ABCA13: variants seen among roughly 807,000 people sequenced by gnomAD.
ABCA13 encodes ATP-binding cassette sub-family A member 13.
A neutral mutation model predicts 478.7 loss-of-function variants in ABCA13; 476 were observed. That is an observed-to-expected ratio of 0.99 (90% CI 0.92 to 1.07). The LOEUF (loss-of-function observed/expected upper bound fraction) is 1.07. ABCA13 is among the 50% of genes least tolerant of loss of function. The pLI is 0.00. For missense variants in ABCA13, 6,060 were observed against 5,910.6 expected (o/e 1.03, Z -0.83); for synonymous variants, 2,252 against 2,158.9 (o/e 1.04, Z -1.20).
intron 55 of ABCA13, among the ~76,000 whole-genome samples, chr7:48,537,921 T>C (rs1226408640): frequency 6.6e-6 from 1 of 152,030 alleles, no homozygotes; most frequent in African/African-American, 2.4e-5. Context: ...AACAAGGAAG[T>C]TAAACTTTAA....
chr7:48,196,266 A>G (rs1267248011), intron 2 of ABCA13, among the ~76,000 whole-genome samples: 1 of 152,138 alleles, frequency 6.6e-6, no homozygotes, highest in Admixed American at 6.5e-5. Context: ...CTTGCTTTGT[A>G]TCAGGACTGC....
rs143337238 is a variant in ABCA13 at position 48,538,335 on chromosome 7, A to C, written c.14354+9990A>C. Among the ~76,000 whole-genome samples, 748 of 152,218 alleles carry C rather than the reference A, an allele frequency of 4.9e-3. 11 individuals are homozygous for C. The highest frequency in any genetic ancestry group is 0.017 in the African/African-American group (722 of 41,540). On this transcript the variant is annotated intron_variant, in intron 55 of 61. Transcript: ENST00000435803. ...AGGCTGGTCTCGAACTGCTGACCTC[A>C]GGTGATCCACCCACCTCGACCTCCC...
In ABCA13 at chr7:48,484,757, C is replaced by A. The variant is rs1829121162; in HGVS notation, c.13182+1594C>A. ...GTGTCCTTCACCAGGCACAAGCATG[C>A]AGGTGAATTATACTTGACCCTTTGG... On this transcript the variant is annotated intron_variant, in intron 47 of 61. Coordinates refer to ENST00000435803, the MANE Select transcript of ABCA13 (RefSeq NM_152701.5). Among the ~76,000 whole-genome samples the A allele has an allele frequency of 3.3e-5, 5 of 152,178 alleles. No homozygotes were observed. In the South Asian group the frequency reaches 1.0e-3, roughly 32 times the overall value.
At chr7:48,494,485 C>T (rs1181506176) in intron 48 of ABCA13, among the ~76,000 whole-genome samples, 1 of 152,076 alleles carries the variant, frequency 6.6e-6, no homozygotes, top group African/African-American at 2.4e-5. Flanking sequence ...TAAAGGGGCA[C>T]CCTGGTAAGG....
intron 31 of ABCA13, among the ~76,000 whole-genome samples, chr7:48,354,836 A>G (rs1809631509): frequency 6.6e-6 from 1 of 152,058 alleles, no homozygotes; most frequent in African/African-American, 2.4e-5. Flanking sequence ...AGATCTCGAA[A>G]GAACTCAGTC....
chr7:48,248,804 G>C (rs1439456568), intron 14 of ABCA13, among the ~76,000 whole-genome samples: 1 of 151,996 alleles, frequency 6.6e-6, no homozygotes, highest in Non-Finnish European at 1.5e-5. Context: ...AATTCGCCTT[G>C]ATTTTATTTT....
chr7:48,455,295 T>G lies in ABCA13; in HGVS notation c.12815+9T>G. 6.3e-7 allele frequency: 1 copy of G among 1,588,178 alleles called. No homozygotes were observed. The highest frequency in any genetic ancestry group is 1.3e-5 in the African/African-American group (1 of 74,498). On this transcript the variant is annotated intron_variant, in intron 43 of 61. Coordinates refer to ENST00000435803, the MANE Select transcript of ABCA13 (RefSeq NM_152701.5). Reference sequence around the variant, plus strand: ...GAGACCTACTTTTTCAGGTAAGTTGTTTTTGTTCCTTTGATTTCGAAATTA... The same window carrying G: ...GAGACCTACTTTTTCAGGTAAGTTGGTTTTGTTCCTTTGATTTCGAAATTA...
At chr7:48,499,853 TC>T (rs1830593024) in intron 48 of ABCA13, among the ~76,000 whole-genome samples, 1 of 152,154 alleles carries the variant, frequency 6.6e-6, no homozygotes, top group South Asian at 2.1e-4. Flanking sequence ...CAAGATTCTA[TC>T]ACAATACAAT....
At chr7:48,311,545 G>A (rs974933099) in intron 24 of ABCA13, among the ~76,000 whole-genome samples, 1 of 152,126 alleles carries the variant, frequency 6.6e-6, no homozygotes, top group African/African-American at 2.4e-5. Context: ...AAAGGTCCCC[G>A]ATTTGAAGTA....
chr7:48,637,741 C>G (rs1308173268), intron 59 of ABCA13, among the ~76,000 whole-genome samples: 1 of 151,996 alleles, frequency 6.6e-6, no homozygotes, highest in East Asian at 1.9e-4. Context: ...TTGTTCCTTA[C>G]TTTAAAATGA....
intron 42 of ABCA13, among the ~76,000 whole-genome samples, chr7:48,452,870 C>A (rs1262206394): frequency 6.6e-6 from 1 of 152,074 alleles, no homozygotes; most frequent in Non-Finnish European, 1.5e-5. Flanking sequence ...CAAAAACATC[C>A]CAGTTATTTT....
Position 48,249,329 on chromosome 7 carries a change from G to A in ABCA13, c.1983G>A (p.Glu661=), listed in dbSNP as rs749643186. The change falls in exon 15 of 62, where the codon GAG becomes GAA. Residue 661 remains glutamate (E), a synonymous_variant. Coordinates refer to ENST00000435803, the MANE Select transcript of ABCA13 (RefSeq NM_152701.5). Reference sequence around the variant, plus strand: ...TGGCCCAATATGTAAATATGCAAGAGAGTTTCCAGAACAGACTATTGGGTA... The same window carrying A: ...TGGCCCAATATGTAAATATGCAAGAAAGTTTCCAGAACAGACTATTGGGTA... ...CEVAQYVNMQ[E]SFQNRLLAFP... is the part of the protein sequence containing the mutation. The A allele has an allele frequency of 9.9e-6, 16 of 1,613,250 alleles. No individual in the cohort carries two copies. The highest frequency in any genetic ancestry group is 1.3e-5 in the African/African-American group (1 of 74,994).
rs773624504 is a variant in ABCA13 at position 48,412,417 on chromosome 7, A to G, written c.12293A>G (p.Tyr4098Cys). ...TGTGTTACATCCCTGATAAAGATCTATATTCCACAAGCATTTCTCAAAGAC... is the reference window on the plus strand; with the variant it reads ...TGTGTTACATCCCTGATAAAGATCTGTATTCCACAAGCATTTCTCAAAGAC... ...MACVTSLIKI[Y>C]IPQAFLKDSS... The change falls in exon 41 of 62, where the codon TAT becomes TGT. Residue 4098 changes from tyrosine to cysteine, a missense_variant. By Grantham distance (194) the Tyr-to-Cys change is radical (BLOSUM62 -2). Around this residue, in one of 3 missense-constraint regions of ABCA13, gnomAD observed 1,627 missense variants for 1,571.0 expected, o/e 1.04. Coordinates refer to ENST00000435803, the MANE Select transcript of ABCA13 (RefSeq NM_152701.5). The G allele has an allele frequency of 3.7e-6, 6 of 1,613,506 alleles. No individual in the cohort carries two copies. The highest frequency in any genetic ancestry group is 2.2e-5 in the East Asian group (1 of 44,826).
At chr7:48,416,683 G>A (rs866122095) in intron 41 of ABCA13, among the ~76,000 whole-genome samples, 31 of 152,184 alleles carry the variant, frequency 2.0e-4, no homozygotes, top group South Asian at 1.0e-3. Flanking sequence ...TCCTGCAGGC[G>A]CTCCCAGAGG....
chr7:48,211,518 G>A (rs1019889626), intron 3 of ABCA13, among the ~76,000 whole-genome samples: 5 of 152,126 alleles, frequency 3.3e-5, no homozygotes, highest in African/African-American at 1.2e-4. Context: ...AATTGGGGGA[G>A]GGGTGATGCA....
intron 59 of ABCA13, among the ~76,000 whole-genome samples, chr7:48,619,981 A>G (rs1364176493): frequency 6.6e-6 from 1 of 152,184 alleles, no homozygotes; most frequent in East Asian, 1.9e-4. Flanking sequence ...GGTTGCCTTG[A>G]TCTAAAGGCA....
At chr7:48,629,691 T>A (rs1341351969) in intron 59 of ABCA13, among the ~76,000 whole-genome samples, 1 of 152,052 alleles carries the variant, frequency 6.6e-6, no homozygotes, top group Non-Finnish European at 1.5e-5. Context: ...GGGCTGGATT[T>A]GTGCACCTGT....
intron 3 of ABCA13, among the ~76,000 whole-genome samples, chr7:48,200,898 C>A (rs1798591754): frequency 6.6e-6 from 1 of 152,240 alleles, no homozygotes. Flanking sequence ...GTGGCTCACG[C>A]CTGTAATCCC....
chr7:48,397,493 ATGG>A (rs887001082), intron 38 of ABCA13, among the ~76,000 whole-genome samples: 2 of 152,128 alleles, frequency 1.3e-5, no homozygotes, highest in African/African-American at 2.4e-5. Context: ...AAAAAAGAAT[ATGG>A]TAGAGGCACA....
Sources: gnomAD v4.1 joint callset for allele counts (sites outside exome capture counted in the v4.1 genomes callset) on GRCh38, gnomAD v4.1.1 for gene constraint, gnomAD v4.1.1 regional missense constraint, MANE v1.5 for transcripts, NCBI Gene and HGNC (gene_info 2026-07-23, HGNC 2026-07-21) for gene names.